The following ZBTB4 variants were observed in gnomAD, a reference collection of about 807,000 sequenced individuals.
The protein encoded by ZBTB4 is zinc finger and BTB domain-containing protein 4.
In ZBTB4, 14 loss-of-function variants were observed where a neutral mutation model predicts 59.8. The ratio of observed to expected loss-of-function variants is 0.23; its 90% CI spans 0.15 to 0.37. The LOEUF is 0.37. Ranked by LOEUF, ZBTB4 falls within the 10% of genes least tolerant of loss-of-function variation. The pLI is 1.00. For synonymous variants in ZBTB4, 587 were observed against 575.2 expected (o/e 1.02, Z -0.29); for missense variants, 1,198 against 1,380.8 (o/e 0.87, Z 2.10).
chr17:7,473,239 A>G (rs1056281960), intron 1 of ZBTB4, among the ~76,000 whole-genome samples: 1 of 150,898 alleles, frequency 6.6e-6, no homozygotes, highest in Non-Finnish European at 1.5e-5. Context: ...CAGCCTCCGG[A>G]GTAGCTGGGA....
chr17:7,481,163 C>A (rs1330605313), upstream of ZBTB4, among the ~76,000 whole-genome samples: 47 of 130,194 alleles, frequency 3.6e-4, no homozygotes, highest in African/African-American at 3.8e-4. Flanking sequence ...AACTCCGTCC[C>A]AAAAAAAAAA....
In ZBTB4 at chr17:7,475,214, G is replaced by C. The variant is rs983606759; in HGVS notation, c.-81+4242C>G. 3.3e-5 allele frequency among the ~76,000 whole-genome samples: 5 copies of C among 151,126 alleles called. No individual in the cohort carries two copies. In the East Asian group the frequency reaches 9.9e-4, roughly 30 times the overall value. The stretch of plus-strand genomic sequence containing the variant: ...AAATTAGCTGGGCGTAGTGGCGGGC[G>C]CCTGTAACCCCAGCTACCCGGGAGG... On this transcript the variant is annotated intron_variant, in intron 1 of 3. Transcript: ENST00000380599.
upstream of ZBTB4, chr17:7,482,178 C>T (rs1052674833): frequency 5.6e-6 from 9 of 1,614,104 alleles, no homozygotes; most frequent in African/African-American, 2.7e-5. Context: ...TACCAGGCTT[C>T]CAACCTGCCC....
Position 7,479,530 on chromosome 17 carries a change from G to A in ZBTB4, c.-155C>T, listed in dbSNP as rs2070315655. On this transcript the variant is annotated 5_prime_UTR_variant, in exon 1 of 4. Transcript: ENST00000380599. ...GCCCCCGGCCGCTCCGGTTTTGCCCGCCTCCAGCTCCGGCTCCGGCTCCAG... is the reference window on the plus strand; with the variant it reads ...GCCCCCGGCCGCTCCGGTTTTGCCCACCTCCAGCTCCGGCTCCGGCTCCAG... The A allele has an allele frequency of 1.3e-5, 2 of 159,594 alleles. No homozygotes were observed. Among genetic ancestry groups the A allele is most frequent in the Non-Finnish European group, 2.7e-5 (2 of 74,138 alleles). 9.9% of individuals were successfully genotyped at this position (159,594 alleles called of 1,614,324 possible).
In ZBTB4 at chr17:7,461,747, G is replaced by GA. The variant is rs747575740; in HGVS notation, c.*192dup. ...GGAGGAAGACTGAGAGGGGAACCTC[G>GA]AAAGATCCCTTCCCAGGAGATGGGA... On this transcript the variant is annotated 3_prime_UTR_variant, in exon 4 of 4. Coordinates refer to ENST00000380599, the MANE Select transcript of ZBTB4 (RefSeq NM_001128833.2). 1 of 475,330 alleles carries GA rather than the reference G, an allele frequency of 2.1e-6. No individual in the cohort carries two copies. The allele number at this position is 475,330 out of a possible 1,614,324, so 29.4% of individuals were successfully genotyped here.
In ZBTB4 at chr17:7,462,062, G is replaced by A; in HGVS notation, c.2920C>T (p.Pro974Ser). 6.3e-7 allele frequency: 1 copy of A among 1,599,450 alleles called. No individual in the cohort carries two copies. The highest frequency in any genetic ancestry group is 2.2e-5 in the East Asian group (1 of 44,792). ...LPGVFGYAVN[P>S]QAAPPAPPTP... ...GGTGGGGCAGGGGGTGCTGCTTGAG[G>A]ATTCACTGCGTAGCCAAAGACCCCT... The change falls in exon 4 of 4, where the codon CCT (proline) becomes TCT (serine). Residue 974 changes from proline (P) to serine (S), a missense_variant. Around this residue, in one of 9 missense-constraint regions of ZBTB4, gnomAD observed 211 missense variants for 236.1 expected, o/e 0.89. Coordinates refer to ENST00000380599, the MANE Select transcript of ZBTB4 (RefSeq NM_001128833.2). This position sits in a 1 kb window ranked among gnomAD's most constrained non-coding sequence, Gnocchi z 7.5.
intron 1 of ZBTB4, among the ~76,000 whole-genome samples, chr17:7,477,194 G>A (rs888804112): frequency 1.3e-5 from 2 of 152,178 alleles, no homozygotes; most frequent in Non-Finnish European, 2.9e-5. Context: ...CAGTCCTGGG[G>A]GAGGGCTGAC....
At chr17:7,482,258 G>A (rs575870779), upstream of ZBTB4, 6 of 1,613,960 alleles carry the variant, frequency 3.7e-6, no homozygotes, top group Admixed American at 1.7e-5. Context: ...ACTGCGTGGC[G>A]ACCCCCTTCT....
intron 3 of ZBTB4, among the ~76,000 whole-genome samples, chr17:7,464,451 A>C (rs1188724021): frequency 2.1e-5 from 3 of 142,930 alleles, no homozygotes; most frequent in South Asian, 4.5e-4. Context: ...AAAAAAAAAA[A>C]ACCTCAGCTG....
At chr17:7,479,668 C>G (rs1261600471), upstream of ZBTB4, 2 of 147,086 alleles carry the variant, frequency 1.4e-5, no homozygotes, top group African/African-American at 5.0e-5. Flanking sequence ...CACCCCCACC[C>G]CCGGAAACAG....
chr17:7,469,113 C>T (rs2070165159), intron 1 of ZBTB4, among the ~76,000 whole-genome samples: 1 of 152,102 alleles, frequency 6.6e-6, no homozygotes, highest in South Asian at 2.1e-4. Flanking sequence ...TGGATTACCT[C>T]ATTTGTTCCT....
At position 7,466,180 on chromosome 17, in the gene ZBTB4, T is replaced by TGGGCCC. The variant is rs767912798; in HGVS notation, c.616_621dup (p.Gly206_Pro207dup). The TGGGCCC allele has an allele frequency of 1.2e-5, 20 of 1,613,082 alleles. No individual in the cohort carries two copies. In the African/African-American group the frequency reaches 2.0e-4, roughly 16 times the overall value. ...TCACCCTCCCACTCCCCAGCTGGCC[T>TGGGCCC]GGGCCCGGGCCCAAAGCTGTCCTCT... On this transcript the variant is annotated inframe_insertion, in exon 3 of 4. Transcript: ENST00000380599. This position sits in a 1 kb window ranked among gnomAD's most constrained non-coding sequence, Gnocchi z 9.1.
At chr17:7,478,500 C>T (rs1299243619) in intron 1 of ZBTB4, among the ~76,000 whole-genome samples, 1 of 152,128 alleles carries the variant, frequency 6.6e-6, no homozygotes, top group East Asian at 1.9e-4. Flanking sequence ...GAAATGGGAC[C>T]CAGACGTGAC....
At chr17:7,483,782 G>C (rs2070377602), upstream of ZBTB4, among the ~76,000 whole-genome samples, 2 of 152,182 alleles carry the variant, frequency 1.3e-5, no homozygotes, top group Non-Finnish European at 2.9e-5. Flanking sequence ...CTCTTCGAGA[G>C]GCTCAGGCCA....
At chr17:7,477,825 G>C (rs2070289435) in intron 1 of ZBTB4, among the ~76,000 whole-genome samples, 1 of 152,120 alleles carries the variant, frequency 6.6e-6, no homozygotes, top group African/African-American at 2.4e-5. Context: ...ACATGGCCAA[G>C]GAGCCTCTCT....
At chr17:7,473,557 C>CT (rs1396708483) in intron 1 of ZBTB4, among the ~76,000 whole-genome samples, 1 of 151,676 alleles carries the variant, frequency 6.6e-6, no homozygotes, top group Non-Finnish European at 1.5e-5. Context: ...AATTATTTAT[C>CT]TTTTTTTGAG....
chr17:7,465,568 C>G (rs544689201), intron 3 of ZBTB4, 143 bp downstream of exon 3: 1 of 1,376,188 alleles, frequency 7.3e-7, no homozygotes. Context: ...CCCACCTCAG[C>G]TAACCACAGT....
chr17:7,480,727 A>AAC (rs1567693590), upstream of ZBTB4, among the ~76,000 whole-genome samples: 1 of 151,362 alleles, frequency 6.6e-6, no homozygotes, highest in Non-Finnish European at 1.5e-5. Context: ...CTCAAAAAAA[A>AAC]AACAACAACA....
At chr17:7,477,353 T>A (rs1360982297) in intron 1 of ZBTB4, among the ~76,000 whole-genome samples, 1 of 152,176 alleles carries the variant, frequency 6.6e-6, no homozygotes, top group Non-Finnish European at 1.5e-5. Context: ...AGTGAGGGAA[T>A]GGTAAAGACG....
Sources: gnomAD v4.1 joint callset for allele counts (sites outside exome capture counted in the v4.1 genomes callset) on GRCh38, gnomAD v4.1.1 for gene constraint, gnomAD v4.1.1 regional missense constraint, Gnocchi (gnomAD v3.1) non-coding constraint, MANE v1.5 for transcripts, NCBI Gene and HGNC (gene_info 2026-07-23, HGNC 2026-07-21) for gene names.